ARHGAP10: variants seen among roughly 807,000 people sequenced by gnomAD.
ARHGAP10 encodes the protein Rho GTPase activating protein 10.
In ARHGAP10, 87 loss-of-function variants were observed where a neutral mutation model predicts 108.6. That is an observed-to-expected ratio of 0.80 (90% CI 0.67 to 0.96). The LOEUF (loss-of-function observed/expected upper bound fraction) is 0.96, where lower values mean the gene tolerates loss of function less well. Among genes scored for constraint, ARHGAP10 ranks in the 40% least tolerant of loss-of-function variants. The probability of loss-of-function intolerance (pLI) is 0.00; values close to 1 mark genes in which losing one functional copy is unlikely to be tolerated. For missense variants in ARHGAP10, 939 were observed against 954.5 expected (o/e 0.98, Z 0.21); for synonymous variants, 347 against 341.1 (o/e 1.02, Z -0.19).
chr4:147,844,831 G>A (rs981134874), intron 3 of ARHGAP10, among the ~76,000 whole-genome samples: 11 of 152,048 alleles, frequency 7.2e-5, no homozygotes, highest in Non-Finnish European at 1.2e-4. Context: ...TCTGTCTTCC[G>A]GTTTTCTGTA....
chr4:147,921,296 C>G (rs1285649002), intron 13 of ARHGAP10, among the ~76,000 whole-genome samples: 1 of 152,202 alleles, frequency 6.6e-6, no homozygotes, highest in Non-Finnish European at 1.5e-5. Flanking sequence ...TCCATGATCT[C>G]ATAACGTATA....
At chr4:147,785,712 ACT>A (rs374668432) in intron 1 of ARHGAP10, among the ~76,000 whole-genome samples, 10 of 151,946 alleles carry the variant, frequency 6.6e-5, no homozygotes, top group African/African-American at 2.4e-4. Context: ...TTTGATTTTC[ACT>A]CTGTCATTGT....
intron 18 of ARHGAP10, among the ~76,000 whole-genome samples, chr4:147,983,934 T>A (rs1391935305): frequency 2.0e-5 from 3 of 152,194 alleles, no homozygotes; most frequent in Non-Finnish European, 4.4e-5. Context: ...ATGTTTTCTT[T>A]TTTTTGATTT....
At position 148,006,982 on chromosome 4, in the gene ARHGAP10, T is replaced by G. The variant is rs182987147; in HGVS notation, c.1717-16281T>G. On this transcript the variant is annotated intron_variant, in intron 18 of 22. Transcript: ENST00000336498. ...AGCAGTACTATACTACCTGGATAGC[T>G]TTTCTTGATTTACATATTTTTGCAT... Among the ~76,000 whole-genome samples the G allele has an allele frequency of 1.1e-4, 16 of 152,300 alleles. 1 individual carries two copies. The East Asian group carries it at 2.5e-3, about 24-fold the overall frequency.
intron 1 of ARHGAP10, among the ~76,000 whole-genome samples, chr4:147,778,899 T>C (rs1176323727): frequency 6.6e-6 from 1 of 152,028 alleles, no homozygotes; most frequent in Non-Finnish European, 1.5e-5. Flanking sequence ...ACTTAAACTT[T>C]AATTTGAAGG....
At position 147,742,381 on chromosome 4, in the gene ARHGAP10, T is replaced by TTTA. The variant is rs199982785; in HGVS notation, c.154+9939_154+9941dup. 6.2e-3 allele frequency among the ~76,000 whole-genome samples: 936 copies of TTTA among 151,936 alleles called. 10 individuals are homozygous for TTTA. Among genetic ancestry groups the TTTA allele is most frequent in the African/African-American group, 0.021 (889 of 41,432 alleles). On this transcript the variant is annotated intron_variant, in intron 1 of 22. Transcript: ENST00000336498. ...TTGGCTATGGTAGGTGCCTATTATT[T>TTTA]TTATTATTATTATTAAAATAACTAT...
chr4:147,933,797 T>G (rs906671310), intron 13 of ARHGAP10, among the ~76,000 whole-genome samples: 35 of 152,252 alleles, frequency 2.3e-4, no homozygotes, highest in Admixed American at 7.8e-4. Flanking sequence ...GGGCTGGAGT[T>G]GATATGAGGC....
Position 147,911,584 on chromosome 4 carries a change from G to C in ARHGAP10, c.1163-1490G>C, listed in dbSNP as rs56407863. Among the ~76,000 whole-genome samples the C allele has an allele frequency of 2.1e-3, 317 of 152,204 alleles. 1 individual carries two copies. Among genetic ancestry groups the C allele is most frequent in the South Asian group, 0.016 (75 of 4,814 alleles). The stretch of plus-strand genomic sequence containing the variant: ...TCACCGTGTTAGCCAGGATGGTCTT[G>C]ATCTCCTGACTTCGTGATCCGCCCA... On this transcript the variant is annotated intron_variant, in intron 12 of 22. Transcript: ENST00000336498.
At chr4:147,889,054 A>G (rs1404493558) in intron 10 of ARHGAP10, among the ~76,000 whole-genome samples, 1 of 152,212 alleles carries the variant, frequency 6.6e-6, no homozygotes, top group African/African-American at 2.4e-5. Flanking sequence ...TGCTTTATAC[A>G]TGGTGGACAT....
At chr4:147,857,393 A>G (rs1427168842) in intron 4 of ARHGAP10, among the ~76,000 whole-genome samples, 160 bp from the exon 5 acceptor site, 1 of 152,246 alleles carries the variant, frequency 6.6e-6, no homozygotes, top group African/African-American at 2.4e-5. Context: ...ATGATTAAGC[A>G]GTAGGCTTGG....
intron 13 of ARHGAP10, among the ~76,000 whole-genome samples, chr4:147,915,323 T>C (rs1388676719): frequency 1.3e-5 from 2 of 152,268 alleles, no homozygotes; most frequent in Admixed American, 1.3e-4. Flanking sequence ...CTTATCCTGG[T>C]ACCTCGAAAG....
At chr4:148,020,759 G>A (rs138895275) in intron 18 of ARHGAP10, among the ~76,000 whole-genome samples, 63 of 152,106 alleles carry the variant, frequency 4.1e-4, no homozygotes, top group African/African-American at 1.4e-3. Context: ...AAACATACTC[G>A]TGCGTGTATC....
intron 14 of ARHGAP10, 128 bp downstream of exon 14, chr4:147,940,027 C>A (rs2015431): frequency 2.4e-5 from 22 of 901,222 alleles, no homozygotes; most frequent in Admixed American, 5.0e-5. Flanking sequence ...CAGGAGTTTT[C>A]TGCTGAGCAG....
intron 18 of ARHGAP10, among the ~76,000 whole-genome samples, chr4:148,021,588 T>C (rs1168820952): frequency 6.6e-6 from 1 of 152,138 alleles, no homozygotes; most frequent in Non-Finnish European, 1.5e-5. Flanking sequence ...ATTTTTCCAG[T>C]GGAGTCATAT....
At chr4:147,789,472 A>G (rs1269532741) in intron 1 of ARHGAP10, among the ~76,000 whole-genome samples, 1 of 152,122 alleles carries the variant, frequency 6.6e-6, no homozygotes, top group Non-Finnish European at 1.5e-5. Context: ...TTGTATTTTT[A>G]GTAGAGATAG....
At chr4:147,737,940 C>CT (rs925488064) in intron 1 of ARHGAP10, among the ~76,000 whole-genome samples, 3 of 151,804 alleles carry the variant, frequency 2.0e-5, no homozygotes, top group Non-Finnish European at 4.4e-5. Flanking sequence ...TTCTCAGTGT[C>CT]TTTTTGTCAC....
At chr4:147,901,097 T>TG (rs1443021564) in intron 10 of ARHGAP10, among the ~76,000 whole-genome samples, 2 of 152,026 alleles carry the variant, frequency 1.3e-5, no homozygotes, top group African/African-American at 4.8e-5. Context: ...TTTAACAGTG[T>TG]GTTGCTATTG....
chr4:147,864,142 C>G lies in ARHGAP10; in HGVS notation c.487-704C>G, dbSNP rs560783279. The G allele has an allele frequency of 4.5e-4, 69 of 152,362 alleles. 1 individual carries two copies. Among genetic ancestry groups the G allele is most frequent in the African/African-American group, 1.5e-3 (63 of 41,578 alleles). The allele number at this position is 152,362 out of a possible 1,614,324, so 9.4% of individuals were successfully genotyped here. A position where few individuals can be genotyped will look rare whatever the true frequency, so the allele number is the denominator to read the frequency against. On this transcript the variant is annotated intron_variant, in intron 5 of 22. Transcript: ENST00000336498. ...GAATGGTTTCTTGGACATGAGTTCT[C>G]TCTCCACTATTCTCTGTGGAGTCCT...
At chr4:148,026,285 C>T (rs375021691) in intron 19 of ARHGAP10, among the ~76,000 whole-genome samples, 79 of 152,252 alleles carry the variant, frequency 5.2e-4, no homozygotes, top group African/African-American at 1.8e-3. Flanking sequence ...AAAGCATCAG[C>T]GAAGAGTCAG....
Sources: gnomAD v4.1 joint callset for allele counts (sites outside exome capture counted in the v4.1 genomes callset) on GRCh38, gnomAD v4.1.1 for gene constraint, MANE v1.5 for transcripts, NCBI Gene and HGNC (gene_info 2026-07-23, HGNC 2026-07-21) for gene names.